Variants in PPRC1 observed in about 807,000 individuals in gnomAD.
PPRC1 encodes the protein PPARG related coactivator 1.
PPRC1 carries 23 observed loss-of-function variants against 132.5 expected under a neutral mutation model. The ratio of observed to expected loss-of-function variants is 0.17; its 90% confidence interval spans 0.12 to 0.25. The LOEUF is 0.25. Among genes scored for constraint, PPRC1 ranks in the 10% least tolerant of loss-of-function variants. PPRC1 has a pLI of 1.00. For missense variants in PPRC1, 2,006 were observed against 2,089.1 expected, an observed-to-expected ratio of 0.96 and a Z score of 0.78; for synonymous variants, 872 against 833.5, an observed-to-expected ratio of 1.05 and a Z score of -0.80.
rs977428599 is a variant in PPRC1, at chr10:102,148,363, A to T, written c.4401-9A>T. 1.2e-6 allele frequency: 2 copies of T among 1,612,446 alleles called. No homozygotes were observed. Among genetic ancestry groups the T allele is most frequent in the African/African-American group, 1.3e-5 (1 of 74,986 alleles). ...TCCCAGCATTCCTGCATGCCCTCTT[A>T]TCCTTCAGGTCCAGCTGTAGTTCCT... is the stretch of plus-strand genomic sequence containing the variant. On this transcript the variant is annotated splice_polypyrimidine_tract_variant and intron_variant, in intron 9 of 13. Transcript: ENST00000278070. The surrounding 1 kb of genome is among the most constrained non-coding windows in gnomAD (Gnocchi z 4.2).
In PPRC1 at chr10:102,145,012, C is replaced by A. The variant is rs199811671; in HGVS notation, c.3609-8C>A. On this transcript the variant is annotated splice_region_variant and splice_polypyrimidine_tract_variant and intron_variant, in intron 7 of 13. Transcript: ENST00000278070. ...TGAATCAGGCTTTCCCTTTTCCCCC[C>A]CCGCCAGCGGCGTTGACATTCCCCA... 1.5e-5 allele frequency: 24 copies of A among 1,567,472 alleles called. No individual in the cohort carries two copies. Among genetic ancestry groups the A allele is most frequent in the East Asian group, 1.3e-4 (6 of 44,500 alleles).
At chr10:102,138,590 A>G (rs1413457417) in intron 2 of PPRC1, 29 bp from the exon 3 acceptor site, 1 of 1,611,366 alleles carries the variant, frequency 6.2e-7, no homozygotes, top group South Asian at 1.1e-5. Flanking sequence ...GGATGTTGGT[A>G]GGACCTTCTG....
chr10:102,124,380 T>G, the PPRC1 span, among the ~76,000 whole-genome samples: 1 of 151,972 alleles, frequency 6.6e-6, no homozygotes, highest in Admixed American at 6.6e-5. Context: ...TTTTCTTTCT[T>G]GTTGAGACAG....
chr10:102,142,455 G>C (rs1429621171), intron 5 of PPRC1, among the ~76,000 whole-genome samples: 1 of 102,760 alleles, frequency 9.7e-6, no homozygotes, highest in African/African-American at 3.9e-5. Context: ...GTCTTCCTCT[G>C]TCGCCCAGGC....
chr10:102,138,647 A>G lies in PPRC1; in HGVS notation c.371A>G (p.Glu124Gly). ...AGGTTATCTCTGGAGGACCAGAATGAAGTGTCGCTGCTCACGGCTCTGACG... is the reference window on the plus strand; with the variant it reads ...AGGTTATCTCTGGAGGACCAGAATGGAGTGTCGCTGCTCACGGCTCTGACG... ...ESRLSLEDQN[E>G]VSLLTALTEI... is the part of the protein sequence containing the mutation. The change falls in exon 3 of 14, where the codon GAA becomes GGA. Residue 124 changes from glutamate (E) to glycine (G), a missense_variant. This residue lies in a region of PPRC1 where 1,914 missense variants were observed against 1,917.2 expected (regional missense o/e 1.00). Coordinates refer to ENST00000278070, the MANE Select transcript of PPRC1 (RefSeq NM_015062.5). The G allele has an allele frequency of 7.4e-6, 12 of 1,614,096 alleles. No individual in the cohort carries two copies. Among genetic ancestry groups the G allele is most frequent in the Non-Finnish European group, 8.5e-6 (10 of 1,180,026 alleles).
chr10:102,142,321 T>C (rs2069022087), intron 5 of PPRC1, among the ~76,000 whole-genome samples: 1 of 149,280 alleles, frequency 6.7e-6, no homozygotes, highest in Non-Finnish European at 1.5e-5. Flanking sequence ...CAGGTTGGTC[T>C]CAATCTCCTG....
chr10:102,123,855 T>C, the PPRC1 span, among the ~76,000 whole-genome samples: 2 of 145,398 alleles, frequency 1.4e-5, no homozygotes, highest in African/African-American at 5.1e-5. Context: ...TTTTTTTTTT[T>C]TTGAGATGGA....
the PPRC1 span, chr10:102,120,498 G>T: frequency 2.1e-6 from 1 of 485,734 alleles, no homozygotes; most frequent in Non-Finnish European, 2.7e-6. Context: ...AGCCCAAGCC[G>T]GGCAGGGCCG....
Position 102,138,602 on chromosome 10 carries a change from T to C in PPRC1, c.343-17T>C, listed in dbSNP as rs2068811375. 6.2e-7 allele frequency: 1 copy of C among 1,613,174 alleles called. No homozygotes were observed. The highest frequency in any genetic ancestry group is 8.5e-7 in the Non-Finnish European group (1 of 1,179,506). On this transcript the variant is annotated splice_polypyrimidine_tract_variant and intron_variant, in intron 2 of 13. Transcript: ENST00000278070. ...TAGGGATGTTGGTAGGACCTTCTGG[T>C]TGTTTTTCTGGAGCAGAGCAGGTTA...
rs76701446 is a variant in PPRC1 at position 102,135,061 on chromosome 10, C to T, written c.153+1840C>T. ...TAAACCACATAAACATGGTCTTTAT[C>T]CCTCAGGATCTATGTTTTAATCAGG... On this transcript the variant is annotated intron_variant, in intron 1 of 13. Transcript: ENST00000278070. Among the ~76,000 whole-genome samples the T allele has an allele frequency of 5.3e-5, 8 of 152,286 alleles. No individual in the cohort carries two copies. In the East Asian group the frequency reaches 5.8e-4, roughly 11 times the overall value.
Position 102,147,049 on chromosome 10 carries a change from C to A in PPRC1, c.4057C>A (p.Pro1353Thr). The A allele has an allele frequency of 1.2e-6, 2 of 1,614,174 alleles. No homozygotes were observed. The highest frequency in any genetic ancestry group is 1.7e-6 in the Non-Finnish European group (2 of 1,180,016). The stretch of plus-strand genomic sequence containing the variant: ...CCCATGCATAGCTGCCTCCCGGGAG[C>A]CGCTTGATCACAGGACTAGCAGTGA... ...PPPCIAASRE[P>T]LDHRTSSEQA... Residue 1353 changes from proline (P) to threonine (T), a missense_variant, in exon 9 of 14, where the codon CCG (proline) becomes ACG (threonine). This residue lies in a region of PPRC1 where 1,914 missense variants were observed against 1,917.2 expected (regional missense o/e 1.00). Transcript: ENST00000278070.
chr10:102,121,326 G>A, the PPRC1 span, among the ~76,000 whole-genome samples: 4 of 152,146 alleles, frequency 2.6e-5, no homozygotes, highest in Admixed American at 2.6e-4. Context: ...CCCCTGCCTG[G>A]AAGCTGCTGT....
At position 102,133,048 on chromosome 10, in the gene PPRC1, G is replaced by A. The variant is rs906277356; in HGVS notation, c.-21G>A. 4 of 1,240,194 alleles carry A rather than the reference G, an allele frequency of 3.2e-6. No individual in the cohort carries two copies. Among genetic ancestry groups the A allele is most frequent in the Non-Finnish European group, 4.0e-6 (4 of 987,940 alleles). 76.8% of individuals were successfully genotyped at this position (1,240,194 alleles called of 1,614,324 possible). A position where few individuals can be genotyped will look rare whatever the true frequency, so the allele number is the denominator to read the frequency against. On this transcript the variant is annotated 5_prime_UTR_variant, in exon 1 of 14. Transcript: ENST00000278070. ...AGGCGGCGCCAGCGATCAGAGCAGC[G>A]CTGGGTGTTCAGGGGCCAAGATGGC...
At position 102,150,080 on chromosome 10, in the gene PPRC1, C is replaced by T. The variant is rs746502970; in HGVS notation, c.*51C>T. On this transcript the variant is annotated 3_prime_UTR_variant, in exon 14 of 14. Coordinates refer to ENST00000278070, the MANE Select transcript of PPRC1 (RefSeq NM_015062.5). The stretch of plus-strand genomic sequence containing the variant: ...TTTCTCCTTTGGAGGTGCCCAACCT[C>T]CTCCACCCCCTTCCCCTACTCTAGG... 2 of 1,354,710 alleles carry T rather than the reference C, an allele frequency of 1.5e-6. No homozygotes were observed. The highest frequency in any genetic ancestry group is 2.1e-6 in the Non-Finnish European group (2 of 944,488). The allele number at this position is 1,354,710 out of a possible 1,614,324, so 83.9% of individuals were successfully genotyped here.
Position 102,147,372 on chromosome 10 carries a change from C to T in PPRC1, c.4380C>T (p.Pro1460=), listed in dbSNP as rs200472653. ...SSRSRSRSLS[P]PHKRWRRSSC... ...GATCTCGGTCCAGGTCCCTCTCCCC[C>T]CCACACAAGAGGTGGCGAAGGTGAG... is the stretch of plus-strand genomic sequence containing the variant. The change falls in exon 9 of 14, where the codon CCC becomes CCT. Residue 1460 remains proline, a synonymous_variant. Coordinates refer to ENST00000278070, the MANE Select transcript of PPRC1 (RefSeq NM_015062.5). The T allele has an allele frequency of 1.2e-6, 2 of 1,605,936 alleles. No individual in the cohort carries two copies.
intron 2 of PPRC1, among the ~76,000 whole-genome samples, chr10:102,138,332 T>G (rs1186741135): frequency 2.0e-5 from 3 of 152,198 alleles, no homozygotes; most frequent in Admixed American, 6.5e-5. Flanking sequence ...TTCAGCTCAT[T>G]TCTAGCCTAG....
the PPRC1 span, among the ~76,000 whole-genome samples, chr10:102,124,430 C>T: frequency 6.6e-6 from 1 of 151,798 alleles, no homozygotes. Flanking sequence ...GTGGTGCAAT[C>T]TCAGCTCACT....
At chr10:102,127,055 ATATATATATAT>A in the PPRC1 span, among the ~76,000 whole-genome samples, 2 of 59,896 alleles carry the variant, frequency 3.3e-5, no homozygotes, top group African/African-American at 7.3e-5. Flanking sequence ...ATATATATAT[ATATATATATAT>A]ATAAATTAAA....
At chr10:102,149,009 C>T (rs2069395055) in intron 12 of PPRC1, 71 bp downstream of exon 12, 1 of 1,587,356 alleles carries the variant, frequency 6.3e-7, no homozygotes, top group Non-Finnish European at 8.6e-7. Context: ...CTTTGTCTTG[C>T]CTCCTTGCTC....
Sources: gnomAD v4.1 joint callset for allele counts (sites outside exome capture counted in the v4.1 genomes callset) on GRCh38, gnomAD v4.1.1 for gene constraint, gnomAD v4.1.1 regional missense constraint, Gnocchi (gnomAD v3.1) non-coding constraint, MANE v1.5 for transcripts, NCBI Gene and HGNC (gene_info 2026-07-23, HGNC 2026-07-21) for gene names.